The following SPTLC2 variants were observed in gnomAD, a reference collection of about 807,000 sequenced individuals.
SPTLC2 encodes serine palmitoyltransferase long chain base subunit 2.
SPTLC2 carries 21 observed loss-of-function variants against 62.0 expected under a neutral mutation model. That is an observed-to-expected ratio of 0.34 (90% CI 0.24 to 0.49). The LOEUF is 0.49. Ranked by LOEUF, SPTLC2 falls within the 20% of genes least tolerant of loss-of-function variation. The probability of loss-of-function intolerance (pLI) is 0.99; values close to 1 mark genes in which losing one functional copy is unlikely to be tolerated. For missense variants in SPTLC2, 511 were observed against 713.0 expected, an observed-to-expected ratio of 0.72 and a Z score of 3.23; for synonymous variants, 261 against 261.8, an observed-to-expected ratio of 1.00 and a Z score of 0.03.
intron 1 of SPTLC2, among the ~76,000 whole-genome samples, chr14:77,614,832 G>A (rs1274937019): frequency 1.3e-4 from 19 of 151,054 alleles, no homozygotes; most frequent in Non-Finnish European, 2.4e-4. Flanking sequence ...TTAGCCGGGC[G>A]TGATGACGGG....
At chr14:77,587,881 TA>T (rs34274132) in intron 2 of SPTLC2, among the ~76,000 whole-genome samples, 36 of 150,046 alleles carry the variant, frequency 2.4e-4, no homozygotes, top group African/African-American at 3.4e-4. Flanking sequence ...GACAAGATAG[TA>T]AAAAAAAAAT....
At chr14:77,594,810 G>A (rs954256091) in intron 2 of SPTLC2, among the ~76,000 whole-genome samples, 3 of 151,142 alleles carry the variant, frequency 2.0e-5, no homozygotes, top group East Asian at 3.9e-4. Context: ...ATCAAGTTTC[G>A]ACTATGCATC....
At position 77,555,496 on chromosome 14, in the gene SPTLC2, A is replaced by C. The variant is rs1286140606; in HGVS notation, c.980T>G (p.Leu327Arg). The C allele has an allele frequency of 1.9e-6, 3 of 1,614,244 alleles. No homozygotes were observed. The highest frequency in any genetic ancestry group is 2.5e-6 in the Non-Finnish European group (3 of 1,180,046). Residue 327 changes from leucine (L) to arginine (R), a missense_variant, in exon 8 of 12, where the codon CTT (leucine) becomes CGT (arginine). By Grantham distance (102) the Leu-to-Arg change is moderately radical (BLOSUM62 -2). Coordinates refer to ENST00000216484, the MANE Select transcript of SPTLC2 (RefSeq NM_004863.4). ...IYSMEGSIVR[L>R]PEVIALKKKY... Reference sequence around the variant, plus strand: ...CTTCTTGAGGGCAATCACTTCAGGAAGACGAACAATAGATCCCTCCATGCT... The same window carrying C: ...CTTCTTGAGGGCAATCACTTCAGGACGACGAACAATAGATCCCTCCATGCT...
intron 6 of SPTLC2, among the ~76,000 whole-genome samples, chr14:77,561,709 A>T (rs1436933049): frequency 6.6e-6 from 1 of 152,180 alleles, no homozygotes; most frequent in Non-Finnish European, 1.5e-5. Context: ...AACAAAAACA[A>T]AAACAAAAAT....
At chr14:77,518,455 T>C (rs2079369550) in intron 10 of SPTLC2, among the ~76,000 whole-genome samples, 1 of 151,836 alleles carries the variant, frequency 6.6e-6, no homozygotes, top group Non-Finnish European at 1.5e-5. Flanking sequence ...AAATTAGCTA[T>C]GTGTGGTGGC....
At chr14:77,568,367 G>A (rs1234052052) in intron 5 of SPTLC2, among the ~76,000 whole-genome samples, 1 of 152,106 alleles carries the variant, frequency 6.6e-6, no homozygotes, top group Non-Finnish European at 1.5e-5. Context: ...CTGGCTTAAT[G>A]GCCTAGAATA....
intron 8 of SPTLC2, 106 bp downstream of exon 8, chr14:77,555,194 A>C: frequency 1.5e-6 from 2 of 1,322,076 alleles, no homozygotes; most frequent in Non-Finnish European, 2.2e-6. Flanking sequence ...AACCAGAGGC[A>C]AATTTGCGGA....
intron 2 of SPTLC2, among the ~76,000 whole-genome samples, chr14:77,593,189 G>C (rs2079827944): frequency 6.6e-6 from 1 of 152,108 alleles, no homozygotes; most frequent in Non-Finnish European, 1.5e-5. Context: ...TCATGAACAA[G>C]CTGTGGAGGC....
chr14:77,550,756 T>A (rs1046529712), intron 9 of SPTLC2, among the ~76,000 whole-genome samples: 2 of 151,026 alleles, frequency 1.3e-5, no homozygotes, highest in Admixed American at 6.6e-5. Flanking sequence ...ACAAAAAAAA[T>A]GGCCAGGTGT....
chr14:77,562,794 C>G (rs1331678468), intron 5 of SPTLC2, among the ~76,000 whole-genome samples: 1 of 152,192 alleles, frequency 6.6e-6, no homozygotes, highest in Admixed American at 6.5e-5. Flanking sequence ...ACATCCGTCT[C>G]TAAAACGTTT....
At chr14:77,557,688 G>A (rs183428021) in intron 6 of SPTLC2, among the ~76,000 whole-genome samples, 4 of 152,304 alleles carry the variant, frequency 2.6e-5, no homozygotes, top group East Asian at 3.9e-4. Flanking sequence ...TTTTGGTACT[G>A]GGTTAAAAAT....
chr14:77,587,000 C>A (rs2079785174), intron 2 of SPTLC2, among the ~76,000 whole-genome samples: 1 of 151,880 alleles, frequency 6.6e-6, no homozygotes, highest in South Asian at 2.1e-4. Context: ...CCGAGGCAGG[C>A]AGATCACGAG....
intron 9 of SPTLC2, among the ~76,000 whole-genome samples, chr14:77,522,319 C>G (rs144012797): frequency 0.011 from 1,663 of 152,138 alleles, 35 homozygotes; most frequent in African/African-American, 0.038. Flanking sequence ...CACATCACCA[C>G]GCCCAGCTAA....
intron 9 of SPTLC2, among the ~76,000 whole-genome samples, chr14:77,547,155 G>A (rs192006550): frequency 8.1e-4 from 120 of 147,812 alleles, no homozygotes; most frequent in Middle Eastern, 6.9e-3. Context: ...GTGAGCCATC[G>A]CACCCGGCGG....
intron 7 of SPTLC2, among the ~76,000 whole-genome samples, chr14:77,556,677 C>T (rs1030970312): frequency 1.3e-5 from 2 of 152,104 alleles, no homozygotes; most frequent in Non-Finnish European, 2.9e-5. Context: ...CAGGCGTGAG[C>T]CACTGCACTC....
At chr14:77,534,030 C>T (rs1013947027) in intron 9 of SPTLC2, among the ~76,000 whole-genome samples, 1 of 152,010 alleles carries the variant, frequency 6.6e-6, no homozygotes. Flanking sequence ...TGGTGACGCA[C>T]GCCTGTGGTC....
rs1566778563 is a variant in SPTLC2 at position 77,555,412 on chromosome 14, G to A, written c.1064C>T (p.Thr355Ile). The change falls in exon 8 of 12, where the codon ACA becomes ATA. Residue 355 changes from threonine (T) to isoleucine (I), a missense_variant. Physicochemically the swap from Thr to Ile is moderately conservative, Grantham distance 89. Transcript: ENST00000216484. Reference protein sequence around the residue: ...EAHSIGALGPTGRGVVEYFGL... With the variant: ...EAHSIGALGPIGRGVVEYFGL... ...AAAGTACTCCACCACACCCCGGCCT[G>A]TGGGGCCCAGGGCGCCAATGCTGTG... 1 of 1,614,178 alleles carries A rather than the reference G, an allele frequency of 6.2e-7. No homozygotes were observed. Among genetic ancestry groups the A allele is most frequent in the Non-Finnish European group, 8.5e-7 (1 of 1,180,036 alleles).
chr14:77,558,704 C>G lies in SPTLC2; in HGVS notation c.851-1558G>C, dbSNP rs183858321. Among the ~76,000 whole-genome samples, 99 of 151,782 alleles carry G rather than the reference C, an allele frequency of 6.5e-4. 1 individual carries two copies. Among genetic ancestry groups the G allele is most frequent in the Middle Eastern group, 3.4e-3 (1 of 292 alleles). On this transcript the variant is annotated intron_variant, in intron 6 of 11. Coordinates refer to ENST00000216484, the MANE Select transcript of SPTLC2 (RefSeq NM_004863.4). ...TGGCGTGATCTCTGCTCACTGAAAC[C>G]TCCGCCTCCTGGATTCAAGTGATTC...
intron 1 of SPTLC2, among the ~76,000 whole-genome samples, chr14:77,614,959 A>C (rs176905): frequency 4.0e-5 from 6 of 149,798 alleles, no homozygotes; most frequent in African/African-American, 1.5e-4. Flanking sequence ...TGACAAGAGC[A>C]AAACTGTCTG....
Sources: allele counts gnomAD v4.1 joint callset (sites outside exome capture counted in the v4.1 genomes callset), GRCh38; gene constraint gnomAD v4.1.1; transcripts MANE v1.5; gene names NCBI Gene and HGNC (gene_info 2026-07-23, HGNC 2026-07-21).